Variants in PPFIBP1 observed in about 807,000 individuals in gnomAD.
PPFIBP1 encodes the protein liprin-beta-1.
A neutral mutation model predicts 137.8 loss-of-function variants in PPFIBP1; 112 were observed. The ratio of observed to expected loss-of-function variants is 0.81; its 90% CI spans 0.70 to 0.95. The LOEUF (loss-of-function observed/expected upper bound fraction) is 0.95. Among genes scored for constraint, PPFIBP1 ranks in the 40% least tolerant of loss-of-function variants. PPFIBP1 has a pLI of 0.00. For missense variants in PPFIBP1, 1,083 were observed against 1,196.6 expected, an observed-to-expected ratio of 0.91 and a Z score of 1.40; for synonymous variants, 378 against 417.3, an observed-to-expected ratio of 0.91 and a Z score of 1.15.
At chr12:27,652,109 A>T (rs1403655267) in intron 7 of PPFIBP1, among the ~76,000 whole-genome samples, 1 of 152,178 alleles carries the variant, frequency 6.6e-6, no homozygotes, top group Non-Finnish European at 1.5e-5. Flanking sequence ...GAATATTCTC[A>T]TGTTCTTGTT....
chr12:27,530,685 C>T (rs1055686840), intron 1 of PPFIBP1, among the ~76,000 whole-genome samples: 1 of 152,084 alleles, frequency 6.6e-6, no homozygotes, highest in African/African-American at 2.4e-5. Context: ...GCTAGATTTC[C>T]CAGAATCCCT....
chr12:27,692,980 G>T lies in PPFIBP1; in HGVS notation c.*98G>T. On this transcript the variant is annotated 3_prime_UTR_variant, in exon 30 of 30. Transcript: ENST00000228425. ...TACAACAGGCAGCGGATTGTCTATT[G>T]TTTGTTGTTCCAACTTCTGCTGTCG... The T allele has an allele frequency of 6.6e-7, 1 of 1,509,542 alleles. No individual in the cohort carries two copies. The highest frequency in any genetic ancestry group is 1.4e-5 in the African/African-American group (1 of 72,166). The allele number at this position is 1,509,542 out of a possible 1,614,324, so 93.5% of individuals were successfully genotyped here.
At chr12:27,629,662 G>A (rs1470011477) in intron 2 of PPFIBP1, among the ~76,000 whole-genome samples, 2 of 152,136 alleles carry the variant, frequency 1.3e-5, no homozygotes. Flanking sequence ...ATATTTATGA[G>A]GACTTAAGAA....
Position 27,679,585 on chromosome 12 carries a change from C to T in PPFIBP1, c.1712C>T (p.Pro571Leu), listed in dbSNP as rs2060760734. 1.2e-6 allele frequency: 2 copies of T among 1,613,930 alleles called. No individual in the cohort carries two copies. Among genetic ancestry groups the T allele is most frequent in the African/African-American group, 1.3e-5 (1 of 75,044 alleles). ...SQRNSPFQIP[P>L]PSPDSKKKSR... is the part of the protein sequence containing the mutation. ...AGGAACAGTCCCTTCCAGATACCGC[C>T]TCCATCTCCAGATTCCAAAAAGAAA... The change falls in exon 20 of 30, where the codon CCT (proline) becomes CTT (leucine). Residue 571 changes from proline (P) to leucine (L), a missense_variant. Coordinates refer to ENST00000228425, the MANE Select transcript of PPFIBP1 (RefSeq NM_003622.4).
At chr12:27,656,964 G>C (rs1348129717) in intron 9 of PPFIBP1, 1 of 388,842 alleles carries the variant, frequency 2.6e-6, no homozygotes, top group Non-Finnish European at 4.8e-6. Flanking sequence ...TGGTGTTTAA[G>C]ATTGCTAGAC....
At chr12:27,571,394 A>G (rs1340151586) in intron 1 of PPFIBP1, among the ~76,000 whole-genome samples, 1 of 152,152 alleles carries the variant, frequency 6.6e-6, no homozygotes, top group Non-Finnish European at 1.5e-5. Context: ...TTGCCAATTT[A>G]CCCACCGAAA....
intron 2 of PPFIBP1, 120 bp from the exon 3 acceptor site, chr12:27,633,242 A>C (rs1032825044): frequency 1.7e-5 from 11 of 663,510 alleles, no homozygotes; most frequent in Non-Finnish European, 2.6e-5. Context: ...CTACTCCACT[A>C]CTGAAGTTCT....
intron 1 of PPFIBP1, among the ~76,000 whole-genome samples, chr12:27,571,679 C>G (rs553412804): frequency 6.6e-6 from 1 of 152,254 alleles, no homozygotes; most frequent in East Asian, 1.9e-4. Context: ...GCAGTTCTAC[C>G]GACATGATAA....
chr12:27,555,773 C>T (rs968218183), intron 1 of PPFIBP1, among the ~76,000 whole-genome samples: 2 of 151,978 alleles, frequency 1.3e-5, no homozygotes, highest in Non-Finnish European at 2.9e-5. Flanking sequence ...GGGAAAAAGC[C>T]CCCATTTTGT....
At chr12:27,692,032 C>T in intron 28 of PPFIBP1, 104 bp downstream of exon 28, 1 of 997,766 alleles carries the variant, frequency 1.0e-6, no homozygotes, top group Non-Finnish European at 1.5e-6. Flanking sequence ...CTTCAAATAA[C>T]TAAAAATACA....
At chr12:27,665,588 T>C (rs137951566) in intron 12 of PPFIBP1, among the ~76,000 whole-genome samples, 55 of 152,224 alleles carry the variant, frequency 3.6e-4, no homozygotes, top group Non-Finnish European at 7.6e-4. Flanking sequence ...TTATTTTATC[T>C]GCAGATGGGC....
At chr12:27,616,699 C>T (rs1223407985) in intron 2 of PPFIBP1, among the ~76,000 whole-genome samples, 1 of 152,170 alleles carries the variant, frequency 6.6e-6, no homozygotes, top group Non-Finnish European at 1.5e-5. Flanking sequence ...AATAAAAGGG[C>T]GGAGACTCTT....
chr12:27,659,272 A>G (rs185405873), intron 10 of PPFIBP1, among the ~76,000 whole-genome samples: 9 of 152,334 alleles, frequency 5.9e-5, no homozygotes, highest in Admixed American at 5.2e-4. Flanking sequence ...GGGATCTATT[A>G]GAAGCTCCTT....
intron 28 of PPFIBP1, among the ~76,000 whole-genome samples, 159 bp from the exon 29 acceptor site, chr12:27,692,432 G>T (rs2061605076): frequency 6.6e-6 from 1 of 152,182 alleles, no homozygotes; most frequent in Non-Finnish European, 1.5e-5. Context: ...TTCACTTCCA[G>T]TTGCAGTGGT....
intron 15 of PPFIBP1, among the ~76,000 whole-genome samples, chr12:27,673,096 A>G (rs925935358): frequency 1.3e-5 from 2 of 152,212 alleles, no homozygotes; most frequent in Admixed American, 1.3e-4. Context: ...TGTTTCGTAG[A>G]GGCAAATACA....
chr12:27,661,943 G>T (rs574755933), intron 11 of PPFIBP1, among the ~76,000 whole-genome samples: 1 of 151,968 alleles, frequency 6.6e-6, no homozygotes, highest in South Asian at 2.1e-4. Flanking sequence ...TTAGCAAGCT[G>T]CCCACTGTAA....
intron 2 of PPFIBP1, among the ~76,000 whole-genome samples, chr12:27,605,991 G>T (rs138413968): frequency 6.6e-6 from 1 of 152,196 alleles, no homozygotes; most frequent in African/African-American, 2.4e-5. Flanking sequence ...CTTCATGGGG[G>T]TGTGGGTGTA....
chr12:27,555,715 A>G (rs1035120521), intron 1 of PPFIBP1, among the ~76,000 whole-genome samples: 1 of 152,222 alleles, frequency 6.6e-6, no homozygotes, highest in African/African-American at 2.4e-5. Flanking sequence ...TCTGTTAACA[A>G]GCTCATCTTT....
chr12:27,688,184 T>G (rs1304959619), intron 25 of PPFIBP1, 114 bp from the exon 26 acceptor site: 8 of 1,204,388 alleles, frequency 6.6e-6, no homozygotes, highest in Non-Finnish European at 9.2e-6. Flanking sequence ...AAAGAGAATT[T>G]TTCCCTTTCT....
Sources: allele counts gnomAD v4.1 joint callset (sites outside exome capture counted in the v4.1 genomes callset), GRCh38; gene constraint gnomAD v4.1.1; transcripts MANE v1.5; gene names NCBI Gene and HGNC (gene_info 2026-07-23, HGNC 2026-07-21).